FAM135B: variants seen among roughly 807,000 people sequenced by gnomAD.
FAM135B encodes the protein family with sequence similarity 135 member B, also known as protein FAM135B.
FAM135B carries 43 observed loss-of-function variants against 127.7 expected under a neutral mutation model. That is an observed-to-expected ratio of 0.34 (90% CI 0.26 to 0.43). The LOEUF (loss-of-function observed/expected upper bound fraction) is 0.43. FAM135B is among the 20% of genes least tolerant of loss of function. The pLI is 1.00. For synonymous variants in FAM135B, 670 were observed against 665.1 expected, an observed-to-expected ratio of 1.01 and a Z score of -0.11; for missense variants, 1,558 against 1,725.6, an observed-to-expected ratio of 0.90 and a Z score of 1.72.
intron 1 of FAM135B, among the ~76,000 whole-genome samples, chr8:138,382,013 C>T (rs1323693555): frequency 2.0e-5 from 3 of 152,100 alleles, no homozygotes; most frequent in South Asian, 2.1e-4. Flanking sequence ...GCATTTCAGA[C>T]ATGCTATCTG....
chr8:138,227,714 CTTTTTTTTTTTT>C lies in FAM135B; in HGVS notation c.669+15216_669+15227del, dbSNP rs761660500. ...TCTGGTGTGTTTTAATTTTGTCTCTCTTTTTTTTTTTTTTTTTTTTTTTTGGTGGTGGTGGTG... is the reference window on the plus strand; with the variant it reads ...TCTGGTGTGTTTTAATTTTGTCTCTCTTTTTTTTTTTTGGTGGTGGTGGTG... On this transcript the variant is annotated intron_variant, in intron 7 of 19. Transcript: ENST00000395297. Among the ~76,000 whole-genome samples the C allele has an allele frequency of 5.7e-3, 465 of 81,834 alleles. 3 individuals are homozygous for C. The highest frequency in any genetic ancestry group is 0.012 in the Admixed American group (94 of 7,830). The allele number at this position is 81,834 out of a possible 152,430, so 53.7% of individuals were successfully genotyped here.
rs571154626 is a variant in FAM135B at position 138,219,928 on chromosome 8, C to T, written c.670-22259G>A. ...GCTAATGAAAGGCTGACCTCCTGCC[C>T]TGGATTATCTCATGGATTTTAATAT... is the stretch of plus-strand genomic sequence containing the variant. On this transcript the variant is annotated intron_variant, in intron 7 of 19. Transcript: ENST00000395297. 2.0e-5 allele frequency among the ~76,000 whole-genome samples: 3 copies of T among 152,296 alleles called. No individual in the cohort carries two copies. The South Asian group carries it at 6.2e-4, about 32-fold the overall frequency.
chr8:138,385,067 T>G (rs1380085343), intron 1 of FAM135B, among the ~76,000 whole-genome samples: 3 of 152,120 alleles, frequency 2.0e-5, no homozygotes, highest in African/African-American at 7.2e-5. Context: ...CAAACAGCTC[T>G]CCTTACTGCT....
chr8:138,415,449 T>C (rs192391311), intron 1 of FAM135B, among the ~76,000 whole-genome samples: 19 of 152,144 alleles, frequency 1.2e-4, no homozygotes, highest in Admixed American at 1.2e-3. Context: ...GATTTAATCA[T>C]AGAGTCTTTG....
rs545213585 is a variant in FAM135B at position 138,215,821 on chromosome 8, C to T, written c.670-18152G>A. Among the ~76,000 whole-genome samples, 38 of 152,274 alleles carry T rather than the reference C, an allele frequency of 2.5e-4. No individual in the cohort carries two copies. In the South Asian group the frequency reaches 4.4e-3, roughly 17 times the overall value. On this transcript the variant is annotated intron_variant, in intron 7 of 19. Transcript: ENST00000395297. ...AATGGCTCAGATCCTACAAGTGATG[C>T]CACGCAAAGATTAGAGAAGCCCCCA...
chr8:138,492,930 G>A (rs1457909996), intron 1 of FAM135B, among the ~76,000 whole-genome samples: 1 of 152,162 alleles, frequency 6.6e-6, no homozygotes, highest in Non-Finnish European at 1.5e-5. Context: ...CAAGGACCTT[G>A]TGTTGTCTAC....
At position 138,299,108 on chromosome 8, in the gene FAM135B, T is replaced by TAAATAAAA. The variant is rs1336079906; in HGVS notation, c.157+11732_157+11733insTTTTATTT. 1.0e-3 allele frequency among the ~76,000 whole-genome samples: 140 copies of TAAATAAAA among 139,814 alleles called. 1 individual carries two copies. The highest frequency in any genetic ancestry group is 2.3e-3 in the African/African-American group (86 of 37,914). The allele number at this position is 139,814 out of a possible 152,430, so 91.7% of individuals were successfully genotyped here. A position where few individuals can be genotyped will look rare whatever the true frequency, so the allele number is the denominator to read the frequency against. On this transcript the variant is annotated intron_variant, in intron 3 of 19. Transcript: ENST00000395297. Reference sequence around the variant, plus strand: ...ATAAATAAATAAATAAATAAATAAATAAAATAAAAATAAAAAATAAAAAAA... The same window carrying TAAATAAAA: ...ATAAATAAATAAATAAATAAATAAATAAATAAAAAAAATAAAAATAAAAAATAAAAAAA...
intron 2 of FAM135B, among the ~76,000 whole-genome samples, chr8:138,332,516 C>G (rs1441107767): frequency 1.3e-5 from 2 of 152,022 alleles, no homozygotes; most frequent in African/African-American, 4.8e-5. Context: ...ATTTAGTAGA[C>G]CTGGGATTTG....
chr8:138,427,736 A>G (rs936641129), intron 1 of FAM135B, among the ~76,000 whole-genome samples: 4 of 152,154 alleles, frequency 2.6e-5, no homozygotes, highest in African/African-American at 9.7e-5. Context: ...GAGCCCTAGA[A>G]TGTACAATAT....
intron 1 of FAM135B, among the ~76,000 whole-genome samples, chr8:138,478,558 A>G (rs1814626093): frequency 6.6e-6 from 1 of 152,178 alleles, no homozygotes; most frequent in Admixed American, 6.5e-5. Context: ...CACAGAGAGC[A>G]GTGATCCTGC....
intron 2 of FAM135B, among the ~76,000 whole-genome samples, chr8:138,340,896 C>G (rs1177837708): frequency 2.6e-5 from 4 of 152,200 alleles, no homozygotes; most frequent in African/African-American, 7.2e-5. Flanking sequence ...CGCATGCTCT[C>G]CAAATCCAGC....
intron 12 of FAM135B, among the ~76,000 whole-genome samples, chr8:138,162,823 CAG>C (rs1394463244): frequency 6.6e-6 from 1 of 151,958 alleles, no homozygotes; most frequent in African/African-American, 2.4e-5. Flanking sequence ...TGACGTCAGA[CAG>C]AGAGAGAGAA....
chr8:138,133,932 C>T (rs905571862), intron 19 of FAM135B, among the ~76,000 whole-genome samples: 76 of 152,204 alleles, frequency 5.0e-4, no homozygotes, highest in African/African-American at 1.8e-3. Flanking sequence ...GGAATTGTAA[C>T]GTGAAATTGA....
chr8:138,319,909 GA>G lies in FAM135B; in HGVS notation c.78-8990del, dbSNP rs547884554. On this transcript the variant is annotated intron_variant, in intron 2 of 19. Coordinates refer to ENST00000395297, the MANE Select transcript of FAM135B (RefSeq NM_015912.4). ...AAGAGTCTTTTCCTTATAAGAGAAA[GA>G]AGGAGGCAAGAGACAGAGAGAGAGG... is the stretch of plus-strand genomic sequence containing the variant. Among the ~76,000 whole-genome samples the G allele has an allele frequency of 8.1e-3, 1,237 of 152,296 alleles. 9 individuals are homozygous for G. The highest frequency in any genetic ancestry group is 9.8e-3 in the Non-Finnish European group (669 of 68,014).
intron 3 of FAM135B, among the ~76,000 whole-genome samples, chr8:138,299,605 A>C (rs1466149109): frequency 1.3e-5 from 2 of 151,738 alleles, no homozygotes; most frequent in African/African-American, 4.8e-5. Flanking sequence ...ACACACACAC[A>C]CACCCACGAT....
chr8:138,336,179 A>G (rs1313637427), intron 2 of FAM135B, among the ~76,000 whole-genome samples: 1 of 152,118 alleles, frequency 6.6e-6, no homozygotes, highest in Non-Finnish European at 1.5e-5. Flanking sequence ...TGACACCCTA[A>G]CATCACAATT....
chr8:138,358,096 T>C (rs1830202027), intron 2 of FAM135B, among the ~76,000 whole-genome samples: 2 of 151,996 alleles, frequency 1.3e-5, no homozygotes, highest in African/African-American at 4.8e-5. Context: ...GTAGGGGAAC[T>C]ACCCTTTTTA....
intron 3 of FAM135B, among the ~76,000 whole-genome samples, chr8:138,286,922 C>T (rs1512406): frequency 0.63 from 95,552 of 152,100 alleles, 30,110 homozygotes; most frequent in Admixed American, 0.72. Context: ...CACCAGTTTA[C>T]TTCCCTGAAC....
chr8:138,368,933 T>C (rs1050120189), intron 1 of FAM135B, among the ~76,000 whole-genome samples: 3 of 152,192 alleles, frequency 2.0e-5, no homozygotes, highest in African/African-American at 7.2e-5. Flanking sequence ...GTATTCCATG[T>C]AAGTTGCCTG....
Sources: gnomAD v4.1 joint callset for allele counts (sites outside exome capture counted in the v4.1 genomes callset) on GRCh38, gnomAD v4.1.1 for gene constraint, MANE v1.5 for transcripts, NCBI Gene and HGNC (gene_info 2026-07-23, HGNC 2026-07-21) for gene names.